Variants in BBS4 observed in about 807,000 individuals in gnomAD.
BBS4 encodes the protein BBSome complex member BBS4.
In BBS4, 58 loss-of-function variants were observed where a neutral mutation model predicts 71.4. That is an observed-to-expected ratio of 0.81 (90% CI 0.66 to 1.01). BBS4 has a LOEUF of 1.01. Among genes scored for constraint, BBS4 ranks in the 50% least tolerant of loss-of-function variants. BBS4 has a pLI of 0.00. For synonymous variants in BBS4, 228 were observed against 216.8 expected (o/e 1.05, Z -0.46); for missense variants, 660 against 607.9 (o/e 1.09, Z -0.90).
Position 72,690,627 on chromosome 15 carries a change from G to A in BBS4, c.24+4376G>A, listed in dbSNP as rs12594825. Reference sequence around the variant, plus strand: ...GTACCATAAAATTTACTCAATTTAAGTACAAAGTTTGATCAGTTTTAGTAA... The same window carrying A: ...GTACCATAAAATTTACTCAATTTAAATACAAAGTTTGATCAGTTTTAGTAA... On this transcript the variant is annotated intron_variant, in intron 1 of 15. Coordinates refer to ENST00000268057, the MANE Select transcript of BBS4 (RefSeq NM_033028.5). 9.7e-3 allele frequency among the ~76,000 whole-genome samples: 1,476 copies of A among 152,294 alleles called. 50 individuals are homozygous for A. The East Asian group carries it at 0.13, about 14-fold the overall frequency.
chr15:72,690,972 G>T (rs572799851), intron 1 of BBS4, among the ~76,000 whole-genome samples: 2 of 152,212 alleles, frequency 1.3e-5, no homozygotes, highest in East Asian at 3.9e-4. Flanking sequence ...TGATATTGAA[G>T]ATTTTTTATA....
In BBS4 at chr15:72,687,795, G is replaced by A. The variant is rs1014253078; in HGVS notation, c.24+1544G>A. Among the ~76,000 whole-genome samples, 3 of 151,338 alleles carry A rather than the reference G, an allele frequency of 2.0e-5. No homozygotes were observed. The South Asian group carries it at 6.2e-4, about 31-fold the overall frequency. ...AAATACAAAAAATTAGCTGGACGTG[G>A]TGGCGGGCGCTGGTAATCCCAGCTA... is the stretch of plus-strand genomic sequence containing the variant. On this transcript the variant is annotated intron_variant, in intron 1 of 15. Coordinates refer to ENST00000268057, the MANE Select transcript of BBS4 (RefSeq NM_033028.5).
Position 72,737,460 on chromosome 15 carries a change from T to G in BBS4, c.1451-18T>G. 2 of 1,595,808 alleles carry G rather than the reference T, an allele frequency of 1.3e-6. No homozygotes were observed. The highest frequency in any genetic ancestry group is 1.7e-6 in the Non-Finnish European group (2 of 1,167,390). On this transcript the variant is annotated intron_variant, in intron 15 of 15. Coordinates refer to ENST00000268057, the MANE Select transcript of BBS4 (RefSeq NM_033028.5). ...AAATTGTGGAACATGAGGATTCAAGTTTTTATTTTGTTACTAGGTGCTGGA... is the reference window on the plus strand; with the variant it reads ...AAATTGTGGAACATGAGGATTCAAGGTTTTATTTTGTTACTAGGTGCTGGA...
intron 2 of BBS4, among the ~76,000 whole-genome samples, chr15:72,709,246 ACTCT>A (rs2065321364): frequency 6.6e-6 from 1 of 151,990 alleles, no homozygotes; most frequent in African/African-American, 2.4e-5. Flanking sequence ...CTCTCTTCGT[ACTCT>A]TATTTCTTAG....
chr15:72,725,188 G>C (rs1335841610), intron 8 of BBS4, among the ~76,000 whole-genome samples: 1 of 151,746 alleles, frequency 6.6e-6, no homozygotes, highest in Non-Finnish European at 1.5e-5. Flanking sequence ...AGCCTCCCAA[G>C]TAGTTGGGAC....
intron 1 of BBS4, among the ~76,000 whole-genome samples, chr15:72,688,727 A>G (rs1283562752): frequency 6.6e-6 from 1 of 152,172 alleles, no homozygotes; most frequent in Non-Finnish European, 1.5e-5. Context: ...AATTAAAAGA[A>G]CCCAGTAATC....
intron 2 of BBS4, among the ~76,000 whole-genome samples, chr15:72,703,114 G>A (rs968910976): frequency 1.4e-4 from 22 of 152,110 alleles, no homozygotes; most frequent in Non-Finnish European, 2.8e-4. Context: ...CCCGGCCGAG[G>A]AGCTGACTCT....
intron 2 of BBS4, among the ~76,000 whole-genome samples, chr15:72,697,301 TAAA>T (rs2065093999): frequency 6.6e-6 from 1 of 152,194 alleles, no homozygotes; most frequent in African/African-American, 2.4e-5. Context: ...TTTAACAAAT[TAAA>T]AAAGTAGTAC....
At chr15:72,715,125 T>C (rs1190591529) in intron 4 of BBS4, among the ~76,000 whole-genome samples, 166 bp from the exon 5 acceptor site, 1 of 152,226 alleles carries the variant, frequency 6.6e-6, no homozygotes, top group East Asian at 1.9e-4. Flanking sequence ...TTGGTTGTTG[T>C]TTCAGCCTGT....
chr15:72,713,341 A>G (rs1035484089), intron 4 of BBS4, among the ~76,000 whole-genome samples: 2 of 118,698 alleles, frequency 1.7e-5, no homozygotes, highest in African/African-American at 2.7e-5. Flanking sequence ...ACACACACAC[A>G]CACACACACG....
intron 1 of BBS4, among the ~76,000 whole-genome samples, chr15:72,694,193 CT>C (rs34852416): frequency 0.93 from 125,583 of 135,458 alleles, 58,670 homozygotes; most frequent in East Asian, 0.99. Context: ...CCTTTCTTTC[CT>C]TTTTTTTTTT....
intron 1 of BBS4, among the ~76,000 whole-genome samples, chr15:72,691,977 A>G (rs1038160744): frequency 7.1e-5 from 10 of 141,256 alleles, no homozygotes; most frequent in East Asian, 4.3e-4. Context: ...AAAAAAAAAA[A>G]GCTGCTATAA....
chr15:72,736,543 A>C (rs2065928316), intron 14 of BBS4, among the ~76,000 whole-genome samples: 1 of 152,134 alleles, frequency 6.6e-6, no homozygotes, highest in Admixed American at 6.5e-5. Flanking sequence ...GTAATGCACC[A>C]GGCTTGAATT....
chr15:72,718,761 A>G (rs1450875824), intron 6 of BBS4, among the ~76,000 whole-genome samples: 1 of 152,246 alleles, frequency 6.6e-6, no homozygotes, highest in Admixed American at 6.5e-5. Context: ...ATTATAAGAT[A>G]CTCAACTAGA....
At chr15:72,719,647 A>G (rs2065530481) in intron 6 of BBS4, among the ~76,000 whole-genome samples, 1 of 152,054 alleles carries the variant, frequency 6.6e-6, no homozygotes, top group Admixed American at 6.6e-5. Flanking sequence ...GTATTTCTTA[A>G]TCTATCCAGT....
intron 2 of BBS4, among the ~76,000 whole-genome samples, chr15:72,695,444 C>A (rs559584678): frequency 1.3e-5 from 2 of 152,110 alleles, no homozygotes; most frequent in Admixed American, 6.6e-5. Context: ...CACGCCACCA[C>A]ACCTGGCTAA....
chr15:72,701,796 A>G (rs2151005378), intron 2 of BBS4, among the ~76,000 whole-genome samples: 1 of 152,306 alleles, frequency 6.6e-6, no homozygotes, highest in African/African-American at 2.4e-5. Flanking sequence ...ACTTTGATAT[A>G]TGAAAAACAC....
intron 13 of BBS4, 27 bp from the exon 14 acceptor site, chr15:72,735,798 G>T (rs1351031076): frequency 5.0e-6 from 8 of 1,614,062 alleles, no homozygotes; most frequent in Non-Finnish European, 6.8e-6. Flanking sequence ...AGAGCCCCCA[G>T]CTCCATAGAA....
intron 12 of BBS4, among the ~76,000 whole-genome samples, chr15:72,732,108 C>G (rs1358505312): frequency 2.0e-5 from 3 of 152,106 alleles, no homozygotes; most frequent in Non-Finnish European, 2.9e-5. Context: ...GTACCTAGGG[C>G]TGATGTGAGG....
Sources: gnomAD v4.1 joint callset for allele counts (sites outside exome capture counted in the v4.1 genomes callset) on GRCh38, gnomAD v4.1.1 for gene constraint, MANE v1.5 for transcripts, NCBI Gene and HGNC (gene_info 2026-07-23, HGNC 2026-07-21) for gene names.